RAPGEF5: variants seen among roughly 807,000 people sequenced by gnomAD.
RAPGEF5 encodes Rap guanine nucleotide exchange factor 5, also known as M-Ras-regulated GEF.
RAPGEF5 carries 65 observed loss-of-function variants against 125.2 expected under a neutral mutation model. That is an observed-to-expected ratio of 0.52 (90% CI 0.43 to 0.64). RAPGEF5 has a LOEUF of 0.64. Ranked by LOEUF, RAPGEF5 falls within the 30% of genes least tolerant of loss-of-function variation. The pLI, the probability that RAPGEF5 is intolerant of heterozygous loss-of-function variation, is 0.00. For missense variants in RAPGEF5, 958 were observed against 1,048.1 expected, an observed-to-expected ratio of 0.91 and a Z score of 1.19; for synonymous variants, 391 against 385.9, an observed-to-expected ratio of 1.01 and a Z score of -0.16.
intron 1 of RAPGEF5, among the ~76,000 whole-genome samples, chr7:22,354,003 G>A (rs564510396): frequency 6.6e-6 from 1 of 152,098 alleles, no homozygotes; most frequent in East Asian, 1.9e-4. Context: ...CCAGAAGGTC[G>A]AGGCTATAGT....
chr7:22,180,877 G>C (rs150898474), intron 11 of RAPGEF5, among the ~76,000 whole-genome samples: 2 of 152,268 alleles, frequency 1.3e-5, no homozygotes, highest in Non-Finnish European at 2.9e-5. Context: ...GGTTTGTTTG[G>C]AAGAACAAAC....
chr7:22,286,298 T>C (rs1485877178), intron 6 of RAPGEF5, among the ~76,000 whole-genome samples: 1 of 152,194 alleles, frequency 6.6e-6, no homozygotes, highest in African/African-American at 2.4e-5. Flanking sequence ...TGTCCCTTTA[T>C]AAGGACCTCC....
At chr7:22,305,063 T>C (rs1052530386) in intron 5 of RAPGEF5, among the ~76,000 whole-genome samples, 4 of 152,178 alleles carry the variant, frequency 2.6e-5, no homozygotes, top group Non-Finnish European at 2.9e-5. Flanking sequence ...GAAGGACACA[T>C]AATATCAGGT....
intron 14 of RAPGEF5, among the ~76,000 whole-genome samples, chr7:22,159,479 A>C (rs897752984): frequency 5.3e-5 from 8 of 152,226 alleles, no homozygotes; most frequent in Admixed American, 2.6e-4. Context: ...TGACTGTTGA[A>C]ATCTTAACAG....
chr7:22,156,761 G>T (rs769182189), intron 16 of RAPGEF5, 49 bp downstream of exon 16: 1 of 1,609,264 alleles, frequency 6.2e-7, no homozygotes, highest in East Asian at 2.2e-5. Flanking sequence ...GAGAAAAATG[G>T]TGGCTAACTG....
chr7:22,259,914 C>G (rs1276065888), intron 7 of RAPGEF5, among the ~76,000 whole-genome samples: 1 of 152,110 alleles, frequency 6.6e-6, no homozygotes, highest in Admixed American at 6.6e-5. Flanking sequence ...GGTGAAACCC[C>G]GTCTACTGAA....
chr7:22,227,472 T>A (rs980619645), intron 8 of RAPGEF5, among the ~76,000 whole-genome samples: 2 of 152,194 alleles, frequency 1.3e-5, no homozygotes, highest in African/African-American at 4.8e-5. Context: ...TAGGAGACAA[T>A]GAAAATATTC....
At chr7:22,238,731 C>T (rs1186247143) in intron 7 of RAPGEF5, among the ~76,000 whole-genome samples, 1 of 152,140 alleles carries the variant, frequency 6.6e-6, no homozygotes, top group Non-Finnish European at 1.5e-5. Context: ...GAGCATATAT[C>T]CATTATACCA....
chr7:22,233,506 G>A (rs1786111222), intron 7 of RAPGEF5, among the ~76,000 whole-genome samples: 1 of 152,102 alleles, frequency 6.6e-6, no homozygotes, highest in Admixed American at 6.6e-5. Context: ...GAACATGCAG[G>A]ACACTAAATA....
chr7:22,233,321 C>T (rs577170665), intron 7 of RAPGEF5, among the ~76,000 whole-genome samples: 1 of 152,280 alleles, frequency 6.6e-6, no homozygotes, highest in East Asian at 1.9e-4. Flanking sequence ...CATACTTTGG[C>T]ACTTCATTTG....
chr7:22,244,909 G>C (rs1013616431), intron 7 of RAPGEF5, among the ~76,000 whole-genome samples: 1 of 152,096 alleles, frequency 6.6e-6, no homozygotes, highest in African/African-American at 2.4e-5. Flanking sequence ...TCCATATTGT[G>C]GTATGGCTGT....
At chr7:22,355,996 C>A (rs1784413309) in intron 1 of RAPGEF5, 1 of 985,290 alleles carries the variant, frequency 1.0e-6, no homozygotes, top group Non-Finnish European at 1.2e-6. Context: ...CCGCCAAACC[C>A]TGGTGAGCAG....
In RAPGEF5 at chr7:22,266,944, C is replaced by T. The variant is rs1782297008; in HGVS notation, c.796+20G>A. On this transcript the variant is annotated intron_variant, in intron 7 of 25. Coordinates refer to ENST00000665637, the MANE Select transcript of RAPGEF5 (RefSeq NM_012294.5). ...CCAAAGAATTAGAATCTTCCTCCAG[C>T]CCCATAAAAGATGACTTACCAGACT... is the stretch of plus-strand genomic sequence containing the variant. 3 of 1,593,990 alleles carry T rather than the reference C, an allele frequency of 1.9e-6. No homozygotes were observed. Among genetic ancestry groups the T allele is most frequent in the African/African-American group, 2.7e-5 (2 of 74,402 alleles).
At chr7:22,256,670 C>T (rs1583523080) in intron 7 of RAPGEF5, among the ~76,000 whole-genome samples, 1 of 152,060 alleles carries the variant, frequency 6.6e-6, no homozygotes. Context: ...TTCTGGCTTT[C>T]CAGAAATAGA....
intron 9 of RAPGEF5, among the ~76,000 whole-genome samples, chr7:22,200,100 G>A (rs1785243696): frequency 6.6e-6 from 1 of 151,974 alleles, no homozygotes; most frequent in South Asian, 2.1e-4. Context: ...TTCCCATCTT[G>A]TACTATGGAA....
intron 6 of RAPGEF5, among the ~76,000 whole-genome samples, chr7:22,287,067 C>G (rs1782815678): frequency 6.6e-6 from 1 of 152,168 alleles, no homozygotes; most frequent in African/African-American, 2.4e-5. Context: ...CAGATAATTC[C>G]TAGAGTGTTT....
intron 6 of RAPGEF5, among the ~76,000 whole-genome samples, chr7:22,284,182 T>C (rs1225288930): frequency 1.3e-5 from 2 of 152,164 alleles, no homozygotes; most frequent in Admixed American, 1.3e-4. Context: ...GAATTTTTTA[T>C]TGACAAGCAA....
intron 5 of RAPGEF5, among the ~76,000 whole-genome samples, chr7:22,304,792 G>A (rs1783294382): frequency 6.6e-6 from 1 of 152,188 alleles, no homozygotes; most frequent in Non-Finnish European, 1.5e-5. Context: ...TAGGAAGCTT[G>A]TTAAAGTTCA....
chr7:22,331,506 G>C (rs967635751), intron 1 of RAPGEF5, among the ~76,000 whole-genome samples: 1 of 152,148 alleles, frequency 6.6e-6, no homozygotes, highest in Non-Finnish European at 1.5e-5. Flanking sequence ...AGCACTTTGG[G>C]AGGCCGAGGC....
Sources: allele counts gnomAD v4.1 joint callset (sites outside exome capture counted in the v4.1 genomes callset), GRCh38; gene constraint gnomAD v4.1.1; transcripts MANE v1.5; gene names NCBI Gene and HGNC (gene_info 2026-07-23, HGNC 2026-07-21).